SEMA3A: variants seen among roughly 807,000 people sequenced by gnomAD.
SEMA3A encodes semaphorin-3A.
A neutral mutation model predicts 97.9 loss-of-function variants in SEMA3A; 29 were observed. The observed-to-expected ratio is 0.30, with a 90% CI of 0.22 to 0.40. The LOEUF is 0.40. Ranked by LOEUF, SEMA3A falls within the 10% of genes least tolerant of loss-of-function variation. The pLI, the probability that SEMA3A is intolerant of heterozygous loss-of-function variation, is 1.00. For missense variants in SEMA3A, 763 were observed against 951.3 expected (o/e 0.80, Z 2.60); for synonymous variants, 321 against 323.7 (o/e 0.99, Z 0.09).
chr7:84,385,120 A>C (rs1348772605), intron 1 of SEMA3A, among the ~76,000 whole-genome samples: 1 of 151,984 alleles, frequency 6.6e-6, no homozygotes, highest in East Asian at 1.9e-4. Flanking sequence ...AAATGGGGGA[A>C]CAGACACAGA....
intron 2 of SEMA3A, among the ~76,000 whole-genome samples, chr7:84,340,837 A>G (rs535007005): frequency 1.6e-4 from 25 of 152,112 alleles, no homozygotes; most frequent in African/African-American, 5.5e-4. Context: ...ATCAAAGTAT[A>G]CATATATACC....
intron 3 of SEMA3A, among the ~76,000 whole-genome samples, chr7:84,305,969 T>G (rs139585461): frequency 6.6e-6 from 1 of 151,674 alleles, no homozygotes; most frequent in Non-Finnish European, 1.5e-5. Context: ...TGTGTATATA[T>G]GTATGTATAA....
chr7:84,130,167 A>G (rs1035864754), intron 2 of SEMA3A, among the ~76,000 whole-genome samples: 6 of 152,120 alleles, frequency 3.9e-5, no homozygotes, highest in African/African-American at 1.4e-4. Context: ...CATATATAAA[A>G]AAACAGAAAT....
chr7:84,454,418 C>G (rs887890812), intron 1 of SEMA3A, among the ~76,000 whole-genome samples: 1 of 152,100 alleles, frequency 6.6e-6, no homozygotes, highest in Non-Finnish European at 1.5e-5. Flanking sequence ...TTTCTTTCCA[C>G]CTGTGTATAG....
chr7:84,185,187 G>T (rs1335100717), intron 1 of SEMA3A, among the ~76,000 whole-genome samples: 2 of 152,132 alleles, frequency 1.3e-5, no homozygotes, highest in Non-Finnish European at 2.9e-5. Flanking sequence ...ATGAATTTAT[G>T]TATTTCTTTA....
At chr7:84,168,205 CAAAG>C (rs1479602197) in intron 1 of SEMA3A, among the ~76,000 whole-genome samples, 2 of 151,914 alleles carry the variant, frequency 1.3e-5, no homozygotes, top group Non-Finnish European at 2.9e-5. Flanking sequence ...GAAAAATAAA[CAAAG>C]AGGTAGCAAG....
chr7:84,481,301 C>T (rs1417573777), intron 1 of SEMA3A, among the ~76,000 whole-genome samples: 4 of 152,122 alleles, frequency 2.6e-5, no homozygotes, highest in Non-Finnish European at 5.9e-5. Flanking sequence ...ATGGCTTCTG[C>T]TGCAAAGGGT....
In SEMA3A at chr7:84,303,022, A is replaced by G. The variant is rs77579609; in HGVS notation, c.-83+4185T>C. On this transcript the variant is annotated intron_variant, in intron 3 of 3. Transcript: ENST00000424555. ...ACTAATTAGCCAGCAAAATAAATAG[A>G]TAAATAACTACTCCATCTGAATTTG... 6.1e-3 allele frequency among the ~76,000 whole-genome samples: 933 copies of G among 152,324 alleles called. 6 individuals are homozygous for G. The highest frequency in any genetic ancestry group is 0.023 in the South Asian group (112 of 4,828).
chr7:84,341,987 T>G (rs1441699197), intron 2 of SEMA3A, among the ~76,000 whole-genome samples: 1 of 152,134 alleles, frequency 6.6e-6, no homozygotes, highest in Non-Finnish European at 1.5e-5. Flanking sequence ...TCATCTCAAC[T>G]CAGTGAAGCC....
At chr7:84,378,501 C>G (rs1469147846) in intron 1 of SEMA3A, among the ~76,000 whole-genome samples, 2 of 152,050 alleles carry the variant, frequency 1.3e-5, no homozygotes, top group African/African-American at 4.8e-5. Flanking sequence ...TAAGTGGGAG[C>G]TGAACAAGGA....
chr7:84,349,421 A>C (rs2116018279), intron 2 of SEMA3A, among the ~76,000 whole-genome samples: 1 of 152,342 alleles, frequency 6.6e-6, no homozygotes, highest in Non-Finnish European at 1.5e-5. Context: ...ATGGAGATTA[A>C]ATTCTAGGAA....
At chr7:84,232,307 A>G (rs1265149440) in intron 3 of SEMA3A, among the ~76,000 whole-genome samples, 1 of 148,948 alleles carries the variant, frequency 6.7e-6, no homozygotes, top group Non-Finnish European at 1.5e-5. Context: ...TTTTCTTGCA[A>G]CTAAGGTCAT....
chr7:84,070,134 T>TC (rs57150653), intron 4 of SEMA3A, among the ~76,000 whole-genome samples: 7,192 of 152,262 alleles, frequency 0.047, 285 homozygotes, highest in East Asian at 0.19. Flanking sequence ...GAAAGAGTTT[T>TC]CACTGTAGAA....
In SEMA3A at chr7:84,114,213, G is replaced by A. The variant is rs146089441; in HGVS notation, c.334-3624C>T. On this transcript the variant is annotated intron_variant, in intron 3 of 16. Transcript: ENST00000265362. ...AATTATACTTTCTACAAAAGAATAT[G>A]ATTTACCTCCAATTCCAATTACCTC... 7.8e-3 allele frequency among the ~76,000 whole-genome samples: 1,190 copies of A among 152,242 alleles called. 13 individuals are homozygous for A. Among genetic ancestry groups the A allele is most frequent in the African/African-American group, 0.027 (1,108 of 41,548 alleles).
At chr7:84,018,847 C>G (rs1217676798) in intron 6 of SEMA3A, among the ~76,000 whole-genome samples, 1 of 152,096 alleles carries the variant, frequency 6.6e-6, no homozygotes, top group East Asian at 1.9e-4. Flanking sequence ...GTGTTCTAGA[C>G]CTAGTAATGA....
intron 1 of SEMA3A, among the ~76,000 whole-genome samples, chr7:84,397,084 G>A (rs1422664963): frequency 6.6e-6 from 1 of 151,928 alleles, no homozygotes; most frequent in Admixed American, 6.6e-5. Flanking sequence ...ACATTTCCAT[G>A]TTTATAATGA....
intron 1 of SEMA3A, among the ~76,000 whole-genome samples, chr7:84,182,742 T>C (rs1385295990): frequency 6.6e-6 from 1 of 152,134 alleles, no homozygotes; most frequent in Non-Finnish European, 1.5e-5. Flanking sequence ...TAGCTTCACC[T>C]AAATGAAGGT....
intron 5 of SEMA3A, among the ~76,000 whole-genome samples, chr7:84,055,280 A>G (rs1583884847): frequency 6.6e-6 from 1 of 152,138 alleles, no homozygotes; most frequent in Non-Finnish European, 1.5e-5. Flanking sequence ...AGCCTGGGCA[A>G]TGGCGGGCGC....
chr7:84,150,634 A>C (rs1247327165), intron 1 of SEMA3A, among the ~76,000 whole-genome samples: 3 of 152,154 alleles, frequency 2.0e-5, no homozygotes, highest in Non-Finnish European at 4.4e-5. Flanking sequence ...GTCTGAGATC[A>C]AACTGCAAGG....
Sources: allele counts gnomAD v4.1 joint callset (sites outside exome capture counted in the v4.1 genomes callset), GRCh38; gene constraint gnomAD v4.1.1; transcripts MANE v1.5; gene names NCBI Gene and HGNC (gene_info 2026-07-23, HGNC 2026-07-21).